TENM3: variants seen among roughly 807,000 people sequenced by gnomAD.
TENM3 encodes the protein teneurin-3.
TENM3 carries 63 observed loss-of-function variants against 255.1 expected under a neutral mutation model. That is an observed-to-expected ratio of 0.25 (90% CI 0.20 to 0.30). The LOEUF (loss-of-function observed/expected upper bound fraction) is 0.30. TENM3 is among the 10% of genes least tolerant of loss of function. The pLI is 1.00. For missense variants in TENM3, 2,929 were observed against 3,461.1 expected (o/e 0.85, Z 3.86); for synonymous variants, 1,306 against 1,322.3 (o/e 0.99, Z 0.27).
the TENM3 span, among the ~76,000 whole-genome samples, chr4:181,663,448 A>C: frequency 2.0e-5 from 3 of 152,142 alleles, no homozygotes; most frequent in Non-Finnish European, 4.4e-5. Context: ...TAGCACAAAT[A>C]ATTTGAAACT....
At chr4:181,777,104 G>A in the TENM3 span, among the ~76,000 whole-genome samples, 1 of 151,982 alleles carries the variant, frequency 6.6e-6, no homozygotes, top group Non-Finnish European at 1.5e-5. Flanking sequence ...GTTAATTTTT[G>A]TATATGGTGA....
intron 3 of TENM3, among the ~76,000 whole-genome samples, chr4:182,374,657 G>A (rs1320120240): frequency 3.3e-5 from 5 of 151,930 alleles, no homozygotes; most frequent in Admixed American, 2.6e-4. Flanking sequence ...CAATTCAAAC[G>A]ATTTATTTCA....
At chr4:181,553,542 C>A in the TENM3 span, among the ~76,000 whole-genome samples, 1 of 151,670 alleles carries the variant, frequency 6.6e-6, no homozygotes, top group African/African-American at 2.4e-5. Flanking sequence ...CCCGGGTTCA[C>A]GTCATTCTCC....
chr4:181,737,173 G>C, the TENM3 span, among the ~76,000 whole-genome samples: 1 of 152,068 alleles, frequency 6.6e-6, no homozygotes, highest in Admixed American at 6.6e-5. Context: ...CCAAAGTCTA[G>C]TACAGATATA....
intron 3 of TENM3, among the ~76,000 whole-genome samples, chr4:182,440,270 C>A (rs1772367376): frequency 6.6e-6 from 1 of 151,994 alleles, no homozygotes; most frequent in African/African-American, 2.4e-5. Flanking sequence ...CACCACCACG[C>A]CCAGCTAATT....
chr4:181,475,239 C>T, the TENM3 span, among the ~76,000 whole-genome samples: 2 of 152,162 alleles, frequency 1.3e-5, no homozygotes, highest in African/African-American at 4.8e-5. Context: ...TTTATTTGGG[C>T]CCCTATAGAC....
At chr4:181,782,476 TC>T in the TENM3 span, among the ~76,000 whole-genome samples, 1 of 152,190 alleles carries the variant, frequency 6.6e-6, no homozygotes, top group African/African-American at 2.4e-5. Flanking sequence ...ATCCCCTTTA[TC>T]ATTTTTATTG....
intron 3 of TENM3, among the ~76,000 whole-genome samples, chr4:182,401,686 T>A (rs1183643218): frequency 6.6e-6 from 1 of 152,226 alleles, no homozygotes; most frequent in Admixed American, 6.5e-5. Context: ...ATAGTGTGAA[T>A]TTCTCTTGTA....
chr4:181,697,117 CA>C, the TENM3 span, among the ~76,000 whole-genome samples: 1 of 152,198 alleles, frequency 6.6e-6, no homozygotes, highest in African/African-American at 2.4e-5. Flanking sequence ...TAAACATTTT[CA>C]AAACTACAAC....
intron 3 of TENM3, among the ~76,000 whole-genome samples, chr4:182,570,738 C>A (rs1276887869): frequency 1.3e-5 from 2 of 151,870 alleles, no homozygotes; most frequent in Admixed American, 6.6e-5. Flanking sequence ...GAGGCTGAGG[C>A]AGGAGAACGT....
At chr4:182,004,260 T>C in the TENM3 span, among the ~76,000 whole-genome samples, 1 of 152,106 alleles carries the variant, frequency 6.6e-6, no homozygotes, top group Non-Finnish European at 1.5e-5. Context: ...TTGTTCCCCT[T>C]TATGTGACCA....
the TENM3 span, among the ~76,000 whole-genome samples, chr4:182,030,788 A>G: frequency 0.014 from 2,084 of 152,254 alleles, 27 homozygotes; most frequent in Middle Eastern, 0.02. Flanking sequence ...TTTGATATGC[A>G]TTACTCTAAT....
chr4:181,844,676 AAAATAAAAT>A, the TENM3 span, among the ~76,000 whole-genome samples: 1 of 149,218 alleles, frequency 6.7e-6, no homozygotes. Flanking sequence ...TCAAAAAAAT[AAAATAAAAT>A]AAAATAAAAT....
At chr4:181,785,083 G>C in the TENM3 span, among the ~76,000 whole-genome samples, 1 of 152,146 alleles carries the variant, frequency 6.6e-6, no homozygotes, top group African/African-American at 2.4e-5. Flanking sequence ...GAGCTAAGAG[G>C]ATTTAGAAAA....
intron 3 of TENM3, among the ~76,000 whole-genome samples, chr4:182,479,307 C>A (rs1221130770): frequency 1.3e-5 from 2 of 151,700 alleles, no homozygotes; most frequent in East Asian, 3.9e-4. Flanking sequence ...TACCAAAGAC[C>A]ACTTTTATGG....
intron 1 of TENM3, among the ~76,000 whole-genome samples, chr4:182,273,222 G>A (rs1250121894): frequency 6.6e-6 from 1 of 152,330 alleles, no homozygotes; most frequent in Middle Eastern, 3.4e-3. Context: ...CGACAGCCCT[G>A]GGAGAGGGAG....
At chr4:182,540,898 G>GT (rs1187156876) in intron 3 of TENM3, among the ~76,000 whole-genome samples, 1 of 152,168 alleles carries the variant, frequency 6.6e-6, no homozygotes, top group Non-Finnish European at 1.5e-5. Context: ...AGGAATCAGT[G>GT]TTTTGCTCAC....
chr4:181,603,654 A>G, the TENM3 span, among the ~76,000 whole-genome samples: 1 of 152,354 alleles, frequency 6.6e-6, no homozygotes. Flanking sequence ...CTTCACATCC[A>G]ACAAGCACCT....
rs1403103856 is a variant in TENM3, at chr4:182,179,739, G to A, written c.-76+34985G>A. Among the ~76,000 whole-genome samples the A allele has an allele frequency of 3.9e-5, 6 of 152,226 alleles. 1 individual carries two copies. The highest frequency in any genetic ancestry group is 2.1e-4 in the South Asian group (1 of 4,828). Reference sequence around the variant, plus strand: ...AAAAAGCATTTTTGTGTGTGTATTTGTGAAACAGGAAGTTTTTCAGTGTTG... The same window carrying A: ...AAAAAGCATTTTTGTGTGTGTATTTATGAAACAGGAAGTTTTTCAGTGTTG... On this transcript the variant is annotated intron_variant, in intron 1 of 2. Coordinates refer to the TENM3 transcript ENST00000512480.
Sources: gnomAD v4.1 joint callset for allele counts (sites outside exome capture counted in the v4.1 genomes callset) on GRCh38, gnomAD v4.1.1 for gene constraint, MANE v1.5 for transcripts, NCBI Gene and HGNC (gene_info 2026-07-23, HGNC 2026-07-21) for gene names.